The following GRAMD1B variants were observed in gnomAD, a reference collection of about 807,000 sequenced individuals.
GRAMD1B encodes the protein protein Aster-B.
In GRAMD1B, 37 loss-of-function variants were observed where a neutral mutation model predicts 99.7. That is an observed-to-expected ratio of 0.37 (90% confidence interval 0.29 to 0.49). The LOEUF is 0.49. GRAMD1B is among the 20% of genes least tolerant of loss of function. The pLI is 0.98. For missense variants in GRAMD1B, 888 were observed against 1,009.2 expected, an observed-to-expected ratio of 0.88 and a Z score of 1.63; for synonymous variants, 427 against 387.6, an observed-to-expected ratio of 1.10 and a Z score of -1.19.
chr11:123,405,118 G>C (rs1947807508), intron 1 of GRAMD1B, among the ~76,000 whole-genome samples: 1 of 152,076 alleles, frequency 6.6e-6, no homozygotes, highest in Non-Finnish European at 1.5e-5. Flanking sequence ...TTTGGTAGAA[G>C]TTGGGGGAAG....
At chr11:123,514,095 C>T (rs978391253) in intron 2 of GRAMD1B, among the ~76,000 whole-genome samples, 4 of 152,126 alleles carry the variant, frequency 2.6e-5, no homozygotes, top group African/African-American at 9.7e-5. Context: ...AGTTCACAAT[C>T]GCCGTGAAGA....
At chr11:123,603,385 C>T in intron 8 of GRAMD1B, 41 bp from the exon 9 acceptor site, 1 of 1,257,172 alleles carries the variant, frequency 8.0e-7, no homozygotes, top group Admixed American at 1.7e-5. Context: ...GTCGGGGGAC[C>T]TGAGGGAGCA....
chr11:123,431,198 T>A (rs2134174995), intron 1 of GRAMD1B, 32 bp downstream of exon 1: 1 of 678,522 alleles, frequency 1.5e-6, no homozygotes, highest in East Asian at 2.7e-5. Flanking sequence ...CTCCTTCCCT[T>A]CCCTCCCGTC....
Position 123,458,186 on chromosome 11 carries a change from C to T in GRAMD1B, c.375-22630C>T, listed in dbSNP as rs558041808. ...GAGGCTGAGAAGTCCCACAACACAC[C>T]GGAGACCCTGGGATGCTGGTAGCGT... is the stretch of plus-strand genomic sequence containing the variant. On this transcript the variant is annotated intron_variant, in intron 1 of 19. Coordinates refer to ENST00000635736, the MANE Select transcript of GRAMD1B (RefSeq NM_001387025.1). Among the ~76,000 whole-genome samples, 16 of 152,252 alleles carry T rather than the reference C, an allele frequency of 1.1e-4. No individual in the cohort carries two copies. The South Asian group carries it at 2.7e-3, about 26-fold the overall frequency.
chr11:123,428,508 C>T (rs934571478), upstream of GRAMD1B, among the ~76,000 whole-genome samples: 1 of 152,180 alleles, frequency 6.6e-6, no homozygotes, highest in Non-Finnish European at 1.5e-5. Context: ...CTGGCCTTGG[C>T]TCTTCAGCCG....
chr11:123,440,392 C>T (rs1949351001), intron 1 of GRAMD1B, among the ~76,000 whole-genome samples: 1 of 152,122 alleles, frequency 6.6e-6, no homozygotes. Flanking sequence ...TGCCTGTAAT[C>T]CCAGCTACTC....
chr11:123,580,568 C>T (rs560056867), intron 3 of GRAMD1B, among the ~76,000 whole-genome samples: 4 of 152,336 alleles, frequency 2.6e-5, no homozygotes, highest in Non-Finnish European at 5.9e-5. Context: ...TCAGTTTCCT[C>T]ATTTGCTACT....
intron 2 of GRAMD1B, among the ~76,000 whole-genome samples, chr11:123,511,374 A>T (rs930034209): frequency 6.6e-6 from 1 of 152,170 alleles, no homozygotes; most frequent in African/African-American, 2.4e-5. Flanking sequence ...GGGCACCTCC[A>T]GGGAATGGGG....
intron 17 of GRAMD1B, among the ~76,000 whole-genome samples, chr11:123,616,543 C>T (rs1954417985): frequency 6.6e-6 from 1 of 152,230 alleles, no homozygotes; most frequent in South Asian, 2.1e-4. Flanking sequence ...AATTGTATAG[C>T]ATGTTATTAA....
At chr11:123,506,489 A>G (rs1357501879) in intron 2 of GRAMD1B, among the ~76,000 whole-genome samples, 4 of 152,094 alleles carry the variant, frequency 2.6e-5, no homozygotes, top group African/African-American at 9.7e-5. Flanking sequence ...ATTAGTAGAG[A>G]TAATTGCCCT....
chr11:123,585,690 G>C (rs951018830), intron 4 of GRAMD1B, among the ~76,000 whole-genome samples: 2 of 152,152 alleles, frequency 1.3e-5, no homozygotes, highest in African/African-American at 2.4e-5. Flanking sequence ...CTGTCATGGG[G>C]ACCCCAGCAT....
rs548051017 is a variant in GRAMD1B at position 123,525,910 on chromosome 11, C to T, written c.452+45017C>T. The T allele has an allele frequency of 8.7e-4, 481 of 550,568 alleles. 1 individual carries two copies. Among genetic ancestry groups the T allele is most frequent in the African/African-American group, 8.4e-3 (447 of 52,918 alleles). 34.1% of individuals were successfully genotyped at this position (550,568 alleles called of 1,614,324 possible). ...CGGCTCCAGCCCCAGGCTGGATTTGCAGAATCTGTCCTTTGCCTCCAAGCC... is the reference window on the plus strand; with the variant it reads ...CGGCTCCAGCCCCAGGCTGGATTTGTAGAATCTGTCCTTTGCCTCCAAGCC... On this transcript the variant is annotated intron_variant, in intron 2 of 19. Coordinates refer to ENST00000635736, the MANE Select transcript of GRAMD1B (RefSeq NM_001387025.1).
chr11:123,518,292 G>A (rs1222673044), intron 2 of GRAMD1B, among the ~76,000 whole-genome samples: 2 of 152,204 alleles, frequency 1.3e-5, no homozygotes, highest in Non-Finnish European at 2.9e-5. Context: ...GCGGGAGGAA[G>A]ATTTTGGAGG....
intron 1 of GRAMD1B, among the ~76,000 whole-genome samples, chr11:123,370,405 A>G (rs753519892): frequency 1.3e-4 from 17 of 133,412 alleles, no homozygotes; most frequent in Non-Finnish European, 2.3e-4. Flanking sequence ...CAGTGGTGCG[A>G]TCTTGACTCA....
intron 2 of GRAMD1B, among the ~76,000 whole-genome samples, chr11:123,504,651 T>C (rs11219174): frequency 0.12 from 18,009 of 152,056 alleles, 1,411 homozygotes; most frequent in East Asian, 0.43. Context: ...ACCTCTCTCC[T>C]CCCACTTCCA....
intron 2 of GRAMD1B, among the ~76,000 whole-genome samples, chr11:123,484,286 G>A (rs936632149): frequency 2.0e-5 from 3 of 152,184 alleles, no homozygotes; most frequent in Non-Finnish European, 4.4e-5. Flanking sequence ...TCCTGGAAGA[G>A]ATGAGTAGTG....
At chr11:123,524,748 G>C (rs4936821) in intron 2 of GRAMD1B, among the ~76,000 whole-genome samples, 53,342 of 152,144 alleles carry the variant, frequency 0.35, 10,602 homozygotes, top group African/African-American at 0.54. Context: ...TAGGGTAAAG[G>C]CTTATTATGG....
chr11:123,390,977 C>T (rs898686619), intron 1 of GRAMD1B, among the ~76,000 whole-genome samples: 5 of 152,212 alleles, frequency 3.3e-5, no homozygotes, highest in South Asian at 4.1e-4. Context: ...CTCAGCTGCC[C>T]GCCTTTCCTT....
At chr11:123,425,964 G>A (rs1325989590), upstream of GRAMD1B, among the ~76,000 whole-genome samples, 1 of 152,136 alleles carries the variant, frequency 6.6e-6, no homozygotes, top group Non-Finnish European at 1.5e-5. Flanking sequence ...CTTCATCCCC[G>A]AACCCTCACT....
Sources: allele counts gnomAD v4.1 joint callset (sites outside exome capture counted in the v4.1 genomes callset), GRCh38; gene constraint gnomAD v4.1.1; transcripts MANE v1.5; gene names NCBI Gene and HGNC (gene_info 2026-07-23, HGNC 2026-07-21).